The following NUP98 variants were observed in gnomAD, a reference collection of about 807,000 sequenced individuals.
The protein encoded by NUP98 is nuclear pore complex protein Nup98-Nup96.
In NUP98, 26 loss-of-function variants were observed where a neutral mutation model predicts 191.9. That is an observed-to-expected ratio of 0.14 (90% CI 0.10 to 0.19). NUP98 has a LOEUF of 0.19. Ranked by LOEUF, NUP98 falls within the 10% of genes least tolerant of loss-of-function variation. NUP98 has a pLI of 1.00. For synonymous variants in NUP98, 808 were observed against 778.4 expected (o/e 1.04, Z -0.63); for missense variants, 1,941 against 2,178.8 (o/e 0.89, Z 2.17).
rs555655616 is a variant in NUP98 at position 3,752,495 on chromosome 11, C to T, written c.1267+821G>A. 8.4e-4 allele frequency among the ~76,000 whole-genome samples: 126 copies of T among 149,606 alleles called. 1 individual carries two copies. In the South Asian group the frequency reaches 0.018, roughly 21 times the overall value. ...CTGCACCACTGCACTCCAGCCTGAA[C>T]GACAGAGTGAGACTCCATCTCCAAA... On this transcript the variant is annotated intron_variant, in intron 11 of 32. Transcript: ENST00000324932.
intron 21 of NUP98, 107 bp downstream of exon 21, chr11:3,706,338 T>C: frequency 9.9e-7 from 1 of 1,006,668 alleles, no homozygotes; most frequent in Non-Finnish European, 1.5e-6. Context: ...CCCATTACAG[T>C]GAGCACTCAA....
intron 26 of NUP98, among the ~76,000 whole-genome samples, chr11:3,694,408 C>A (rs1457074610): frequency 6.7e-6 from 1 of 149,630 alleles, no homozygotes. Context: ...CGCTTCATGA[C>A]ATGAAAAAAT....
intron 6 of NUP98, among the ~76,000 whole-genome samples, chr11:3,772,257 TA>T (rs1387185895): frequency 6.6e-6 from 1 of 151,976 alleles, no homozygotes; most frequent in African/African-American, 2.4e-5. Context: ...AAAATAAAAA[TA>T]AAAATTATAG....
intron 7 of NUP98, among the ~76,000 whole-genome samples, chr11:3,770,692 T>C (rs1405213323): frequency 2.0e-5 from 3 of 152,272 alleles, no homozygotes; most frequent in South Asian, 4.1e-4. Flanking sequence ...TATTTAGTTT[T>C]CTGTATTTTG....
intron 29 of NUP98, among the ~76,000 whole-genome samples, chr11:3,684,762 A>T (rs2078087301): frequency 9.6e-6 from 1 of 104,050 alleles, no homozygotes; most frequent in Non-Finnish European, 1.8e-5. Flanking sequence ...ATGCTTTCAC[A>T]GGCCAAAAAA....
chr11:3,714,269 G>A lies in NUP98; in HGVS notation c.2400-274C>T, dbSNP rs545517368. The stretch of plus-strand genomic sequence containing the variant: ...TTTCCAATCTCATTTTCACACTTAA[G>A]CTAGGAATCACTAACTTATTTAAGT... On this transcript the variant is annotated intron_variant, in intron 18 of 32. Transcript: ENST00000324932. Among the ~76,000 whole-genome samples, 4 of 152,208 alleles carry A rather than the reference G, an allele frequency of 2.6e-5. No homozygotes were observed. The South Asian group carries it at 8.3e-4, about 32-fold the overall frequency.
intron 1 of NUP98, among the ~76,000 whole-genome samples, chr11:3,785,807 T>C (rs2082123301): frequency 6.6e-6 from 1 of 152,112 alleles, no homozygotes. Flanking sequence ...TTGCATTAAC[T>C]ATTTTCCATT....
chr11:3,784,431 A>G (rs1589968874), intron 1 of NUP98, among the ~76,000 whole-genome samples: 1 of 152,148 alleles, frequency 6.6e-6, no homozygotes, highest in East Asian at 1.9e-4. Flanking sequence ...GGGCCACATC[A>G]GAATTAGGTG....
intron 22 of NUP98, among the ~76,000 whole-genome samples, chr11:3,703,955 T>G (rs1220992064): frequency 6.6e-6 from 1 of 152,184 alleles, no homozygotes; most frequent in Non-Finnish European, 1.5e-5. Flanking sequence ...CCTAAAGTGC[T>G]ATGATTATAG....
chr11:3,784,579 T>TAA lies in NUP98; in HGVS notation c.-28-2436_-28-2435dup, dbSNP rs61334985. Among the ~76,000 whole-genome samples, 349 of 89,344 alleles carry TAA rather than the reference T, an allele frequency of 3.9e-3. 4 individuals carry two copies. The highest frequency in any genetic ancestry group is 0.014 in the African/African-American group (316 of 22,600). The allele number at this position is 89,344 out of a possible 152,430, so 58.6% of individuals were successfully genotyped here. On this transcript the variant is annotated intron_variant, in intron 1 of 32. Transcript: ENST00000324932. ...CAACACAGCAAGACTCTGTCTCTAT[T>TAA]AAAAACAAAAAAAAAACAAAAAAAA...
In NUP98 at chr11:3,771,899, G is replaced by A; in HGVS notation, c.633C>T (p.Asn211=). 1 of 1,614,054 alleles carries A rather than the reference G, an allele frequency of 6.2e-7. No homozygotes were observed. The highest frequency in any genetic ancestry group is 8.5e-7 in the Non-Finnish European group (1 of 1,180,014). ...CCACCTGGTTCTGTGGGCCCTTCCT[G>A]TTAGCCTGATAATCCTCTAAACGAA... is the stretch of plus-strand genomic sequence containing the variant. ...EELRLEDYQA[N]RKGPQNQVGA... Residue 211 remains asparagine, a synonymous_variant, in exon 7 of 33, where the codon AAC becomes AAT. Transcript: ENST00000324932.
At chr11:3,718,441 C>A (rs948302748) in intron 18 of NUP98, among the ~76,000 whole-genome samples, 1 of 151,968 alleles carries the variant, frequency 6.6e-6, no homozygotes, top group Non-Finnish European at 1.5e-5. Context: ...GAGGCTGAGG[C>A]AGGAGAATCG....
intron 12 of NUP98, among the ~76,000 whole-genome samples, chr11:3,738,898 TG>T (rs916624753): frequency 5.3e-5 from 8 of 152,224 alleles, no homozygotes; most frequent in African/African-American, 1.7e-4. Flanking sequence ...AGGAAGGATT[TG>T]GTTTCCACAC....
chr11:3,680,811 G>A (rs552128300), intron 30 of NUP98, among the ~76,000 whole-genome samples: 1 of 152,110 alleles, frequency 6.6e-6, no homozygotes, highest in South Asian at 2.1e-4. Context: ...GCCCCCCAAA[G>A]TGCTGGGATT....
chr11:3,739,781 C>T (rs2080210918), intron 12 of NUP98, among the ~76,000 whole-genome samples: 2 of 152,106 alleles, frequency 1.3e-5, no homozygotes, highest in Admixed American at 1.3e-4. Flanking sequence ...ATACAGAAAA[C>T]TATAGCTTAG....
At chr11:3,776,106 G>C (rs963046369) in intron 4 of NUP98, 85 bp from the exon 5 acceptor site, 2 of 941,858 alleles carry the variant, frequency 2.1e-6, no homozygotes, top group African/African-American at 3.4e-5. Flanking sequence ...TATGGCACTA[G>C]CATCACAGTA....
chr11:3,755,590 A>G (rs531073283), intron 10 of NUP98, among the ~76,000 whole-genome samples: 1 of 152,188 alleles, frequency 6.6e-6, no homozygotes, highest in Non-Finnish European at 1.5e-5. Flanking sequence ...TATTTGGATT[A>G]TTATCTCAAT....
In NUP98 at chr11:3,778,934, C is replaced by T; in HGVS notation, c.294G>A (p.Gly98=). ...TGTTTTGGGATGAGAAGAGACTGGT[C>T]CCTGTGCTTGCAGTTCCAAACAAGG... ...ANTLFGTAST[G]TSLFSSQNNA... is the part of the protein sequence containing the mutation. Residue 98 remains glycine (G), a synonymous_variant, in exon 4 of 33, where the codon GGG becomes GGA. Transcript: ENST00000324932. The T allele has an allele frequency of 6.2e-7, 1 of 1,614,150 alleles. No homozygotes were observed. Among genetic ancestry groups the T allele is most frequent in the Non-Finnish European group, 8.5e-7 (1 of 1,180,020 alleles).
chr11:3,780,501 C>A (rs1206484886), intron 2 of NUP98, among the ~76,000 whole-genome samples: 1 of 138,990 alleles, frequency 7.2e-6, no homozygotes, highest in African/African-American at 2.7e-5. Flanking sequence ...GAGATCGCAC[C>A]ACCGCACTCC....
Sources: allele counts gnomAD v4.1 joint callset (sites outside exome capture counted in the v4.1 genomes callset), GRCh38; gene constraint gnomAD v4.1.1; transcripts MANE v1.5; gene names NCBI Gene and HGNC (gene_info 2026-07-23, HGNC 2026-07-21).